Variants in DOCK9 observed in about 807,000 individuals in gnomAD.
The protein encoded by DOCK9 is dedicator of cytokinesis 9.
In DOCK9, 89 loss-of-function variants were observed where a neutral mutation model predicts 263.3. The ratio of observed to expected loss-of-function variants is 0.34; its 90% CI spans 0.28 to 0.40. The LOEUF (loss-of-function observed/expected upper bound fraction) is 0.40, where lower values mean the gene tolerates loss of function less well. Among genes scored for constraint, DOCK9 ranks in the 10% least tolerant of loss-of-function variants. The pLI is 1.00. For missense variants in DOCK9, 2,140 were observed against 2,603.4 expected (o/e 0.82, Z 3.87); for synonymous variants, 976 against 973.1 (o/e 1.00, Z -0.06).
upstream of DOCK9, among the ~76,000 whole-genome samples, chr13:98,978,879 C>A (rs1379106395): frequency 6.6e-6 from 1 of 152,148 alleles, no homozygotes; most frequent in Non-Finnish European, 1.5e-5. Flanking sequence ...TTTAGTAGCA[C>A]CCAAAATATG....
intron 7 of DOCK9, among the ~76,000 whole-genome samples, chr13:98,918,375 C>T (rs1446436740): frequency 2.6e-5 from 4 of 151,090 alleles, no homozygotes; most frequent in African/African-American, 4.9e-5. Context: ...AAGAAAGAGC[C>T]GAGCTCCAGA....
rs78193967 is a variant in DOCK9, at chr13:98,796,640, C to T, written c.6156+475G>A. Among the ~76,000 whole-genome samples the T allele has an allele frequency of 9.5e-3, 1,444 of 152,240 alleles. 31 individuals carry two copies. Among genetic ancestry groups the T allele is most frequent in the African/African-American group, 0.033 (1,369 of 41,532 alleles). Reference sequence around the variant, plus strand: ...AACTTAAAGGAAGAATCCACTGGGGCGCCAAGGCCCACTGTACATCATCAA... The same window carrying T: ...AACTTAAAGGAAGAATCCACTGGGGTGCCAAGGCCCACTGTACATCATCAA... On this transcript the variant is annotated intron_variant, in intron 52 of 52. Coordinates refer to ENST00000682017, the MANE Select transcript of DOCK9 (RefSeq NM_001366683.2).
At chr13:98,991,232 C>T (rs1225467428) in intron 1 of DOCK9, among the ~76,000 whole-genome samples, 3 of 152,054 alleles carry the variant, frequency 2.0e-5, no homozygotes, top group African/African-American at 4.8e-5. Context: ...CCACCATGCC[C>T]GGCTGATTTT....
At chr13:98,966,377 A>G (rs1471883866) in intron 1 of DOCK9, among the ~76,000 whole-genome samples, 1 of 152,260 alleles carries the variant, frequency 6.6e-6, no homozygotes, top group African/African-American at 2.4e-5. Context: ...TCTCACACAC[A>G]TACAGTAGTC....
chr13:99,053,760 A>G (rs1215072496), intron 1 of DOCK9, among the ~76,000 whole-genome samples: 2 of 152,240 alleles, frequency 1.3e-5, no homozygotes, highest in African/African-American at 4.8e-5. Flanking sequence ...CCCCAGCGAT[A>G]GCACAACATG....
chr13:98,857,988 AAG>A (rs1480627161), intron 33 of DOCK9: 1 of 152,238 alleles, frequency 6.6e-6, no homozygotes, highest in Non-Finnish European at 1.5e-5. Flanking sequence ...AGTCATGAAA[AAG>A]AACACAGAAC....
chr13:99,000,532 T>TA (rs1595873897), intron 1 of DOCK9, among the ~76,000 whole-genome samples: 1 of 152,202 alleles, frequency 6.6e-6, no homozygotes, highest in Middle Eastern at 3.4e-3. Context: ...CCTCCACAGT[T>TA]AAACATTTGA....
rs73568471 is a variant in DOCK9 at position 98,977,924 on chromosome 13, G to C, written c.-15C>G. Reference sequence around the variant, plus strand: ...TCAGCCTGCATTCTCGGCTGAAAACGCAAGTCAGAAAGTCTGCAACTGGAA... The same window carrying C: ...TCAGCCTGCATTCTCGGCTGAAAACCCAAGTCAGAAAGTCTGCAACTGGAA... On this transcript the variant is annotated 5_prime_UTR_variant, in exon 1 of 53. Coordinates refer to ENST00000682017, the MANE Select transcript of DOCK9 (RefSeq NM_001366683.2). The C allele has an allele frequency of 2.9e-5, 46 of 1,568,850 alleles. No homozygotes were observed. Among genetic ancestry groups the C allele is most frequent in the Middle Eastern group, 1.7e-4 (1 of 5,872 alleles).
At chr13:98,873,388 A>G (rs929252230) in intron 27 of DOCK9, among the ~76,000 whole-genome samples, 1 of 152,244 alleles carries the variant, frequency 6.6e-6, no homozygotes, top group African/African-American at 2.4e-5. Context: ...GCTATGCCTC[A>G]GCCCTTTGTG....
rs41315040 is a variant in DOCK9, at chr13:98,898,121, T to C, written c.1586+58A>G. ...CTGAACAACAAACAGAATAGGCCTATTGACCCATCCATGCACCTATCTATA... is the reference window on the plus strand; with the variant it reads ...CTGAACAACAAACAGAATAGGCCTACTGACCCATCCATGCACCTATCTATA... On this transcript the variant is annotated intron_variant, in intron 14 of 52. Transcript: ENST00000682017. 52,209 of 1,218,814 alleles carry C rather than the reference T, an allele frequency of 0.043. 1,435 individuals are homozygous for C. The highest frequency in any genetic ancestry group is 0.086 in the South Asian group (6,526 of 75,630). 75.5% of individuals were successfully genotyped at this position (1,218,814 alleles called of 1,614,324 possible). A position where few individuals can be genotyped will look rare whatever the true frequency, so the allele number is the denominator to read the frequency against.
At chr13:99,016,076 C>G (rs1327890672) in intron 1 of DOCK9, 1 of 152,900 alleles carries the variant, frequency 6.5e-6, no homozygotes, top group Admixed American at 6.5e-5. Context: ...GAATGTTCAT[C>G]TGCTGCAAGA....
At chr13:98,923,722 T>C (rs2052456175) in intron 4 of DOCK9, among the ~76,000 whole-genome samples, 1 of 152,214 alleles carries the variant, frequency 6.6e-6, no homozygotes, top group African/African-American at 2.4e-5. Flanking sequence ...AGTTGTTGCG[T>C]TGAAACCGAT....
chr13:98,881,923 T>C lies in DOCK9; in HGVS notation c.2644A>G (p.Thr882Ala), dbSNP rs1160399233. ...NQLFRVLTRA[T>A]QEEVAVNVTR... ...ACGTTAACCGCGACTTCTTCCTGTG[T>C]GGCTCTGGTGAGGACTCGGAACAGC... The change falls in exon 24 of 53, where the codon ACA (threonine) becomes GCA (alanine). Residue 882 changes from threonine (T) to alanine (A), a missense_variant. By Grantham distance (58) the Thr-to-Ala change is moderately conservative. This residue lies in a region of DOCK9 where 1,521 missense variants were observed against 1,741.7 expected (regional missense o/e 0.87). Transcript: ENST00000682017. The C allele has an allele frequency of 1.3e-6, 2 of 1,594,230 alleles. No individual in the cohort carries two copies. Among genetic ancestry groups the C allele is most frequent in the South Asian group, 1.2e-5 (1 of 86,884 alleles).
Position 98,794,765 on chromosome 13 carries a change from C to T in DOCK9, c.6157-17G>A, listed in dbSNP as rs2089135562. 5.0e-6 allele frequency: 8 copies of T among 1,613,388 alleles called. No homozygotes were observed. Among genetic ancestry groups the T allele is most frequent in the Non-Finnish European group, 6.8e-6 (8 of 1,179,656 alleles). ...GGGGCAGATCTTGAGGACAGAAACA[C>T]AACGTTACTGAGGGCAACACAAGGT... On this transcript the variant is annotated splice_polypyrimidine_tract_variant and intron_variant, in intron 52 of 52. Coordinates refer to ENST00000682017, the MANE Select transcript of DOCK9 (RefSeq NM_001366683.2).
chr13:98,944,997 T>A (rs575050218), intron 2 of DOCK9, among the ~76,000 whole-genome samples: 20 of 152,240 alleles, frequency 1.3e-4, no homozygotes, highest in Non-Finnish European at 2.2e-4. Flanking sequence ...TCTTGAAGTT[T>A]GGTGAGCTAA....
chr13:98,910,438 T>C (rs1288576937), intron 9 of DOCK9, among the ~76,000 whole-genome samples: 2 of 152,212 alleles, frequency 1.3e-5, no homozygotes, highest in Admixed American at 1.3e-4. Flanking sequence ...AGATGTTCAG[T>C]ACTAAATGTA....
chr13:98,926,349 G>T (rs2052962776), intron 3 of DOCK9, among the ~76,000 whole-genome samples: 1 of 152,192 alleles, frequency 6.6e-6, no homozygotes, highest in African/African-American at 2.4e-5. Flanking sequence ...AGCTCTGTTA[G>T]TTAATATTAC....
At chr13:98,802,953 T>C (rs567904723) in intron 49 of DOCK9, among the ~76,000 whole-genome samples, 5 of 152,332 alleles carry the variant, frequency 3.3e-5, no homozygotes, top group Admixed American at 6.5e-5. Context: ...CTTCTTACTA[T>C]TTACAAAGTT....
intron 1 of DOCK9, among the ~76,000 whole-genome samples, chr13:99,068,929 G>A (rs2041550559): frequency 6.6e-6 from 1 of 152,110 alleles, no homozygotes; most frequent in African/African-American, 2.4e-5. Flanking sequence ...TTCTACTTAA[G>A]AAAACAGCAA....
Sources: gnomAD v4.1 joint callset for allele counts (sites outside exome capture counted in the v4.1 genomes callset) on GRCh38, gnomAD v4.1.1 for gene constraint, gnomAD v4.1.1 regional missense constraint, MANE v1.5 for transcripts, NCBI Gene and HGNC (gene_info 2026-07-23, HGNC 2026-07-21) for gene names.